The following DNAH7 variants were observed in gnomAD, a reference collection of about 807,000 sequenced individuals.
DNAH7 encodes the protein dynein axonemal heavy chain 7.
A neutral mutation model predicts 444.6 loss-of-function variants in DNAH7; 397 were observed. The ratio of observed to expected loss-of-function variants is 0.89; its 90% CI spans 0.82 to 0.97. The LOEUF is 0.97. Ranked by LOEUF, DNAH7 falls within the 50% of genes least tolerant of loss-of-function variation. DNAH7 has a pLI of 0.00. For missense variants in DNAH7, 4,902 were observed against 4,800.8 expected, an observed-to-expected ratio of 1.02 and a Z score of -0.62; for synonymous variants, 1,636 against 1,624.4, an observed-to-expected ratio of 1.01 and a Z score of -0.17.
chr2:196,036,027 CTT>C lies in DNAH7; in HGVS notation c.399-7982_399-7981del, dbSNP rs750452521. 6.6e-4 allele frequency among the ~76,000 whole-genome samples: 86 copies of C among 129,458 alleles called. No homozygotes were observed. In the Middle Eastern group the frequency reaches 0.012, roughly 19 times the overall value. The allele number at this position is 129,458 out of a possible 152,430, so 84.9% of individuals were successfully genotyped here. On this transcript the variant is annotated intron_variant, in intron 5 of 64. Transcript: ENST00000312428. The stretch of plus-strand genomic sequence containing the variant: ...ACAACAGTACCTGCATCTCCACATT[CTT>C]TTTTTTTTTTTTTTTTTTCCAGGCA...
In DNAH7 at chr2:195,891,688, A is replaced by G; in HGVS notation, c.5013T>C (p.Leu1671=). The stretch of plus-strand genomic sequence containing the variant: ...AGGCAAATGCTCTAAAACTGACAGC[A>G]AGGACCCCATCAGACCATTCATGGG... The part of the protein sequence containing the change: ...SVSHEWSDGV[L]AVSFRAFASS... Residue 1671 remains leucine (L), a synonymous_variant, in exon 31 of 65, where the codon CTT becomes CTC. Transcript: ENST00000312428. 1 of 1,596,948 alleles carries G rather than the reference A, an allele frequency of 6.3e-7. No homozygotes were observed. Among genetic ancestry groups the G allele is most frequent in the Non-Finnish European group, 8.5e-7 (1 of 1,172,790 alleles).
At chr2:195,934,499 G>A in intron 21 of DNAH7, 92 bp downstream of exon 21, 2 of 1,351,286 alleles carry the variant, frequency 1.5e-6, no homozygotes, top group East Asian at 2.3e-5. Flanking sequence ...CTCCATTTCT[G>A]TTTAAATAAC....
chr2:195,821,954 C>T (rs1232617029), intron 49 of DNAH7, among the ~76,000 whole-genome samples: 2 of 152,166 alleles, frequency 1.3e-5, no homozygotes, highest in African/African-American at 4.8e-5. Context: ...AGATGATTCC[C>T]TCCTTCCGCC....
chr2:195,930,273 TG>T (rs1475521956), intron 21 of DNAH7, among the ~76,000 whole-genome samples: 1 of 152,030 alleles, frequency 6.6e-6, no homozygotes, highest in East Asian at 1.9e-4. Context: ...ATCCAGGAGA[TG>T]GGGGTTGCAG....
At chr2:195,905,727 T>C (rs2125285354) in intron 27 of DNAH7, 2 of 151,830 alleles carry the variant, frequency 1.3e-5, no homozygotes, top group South Asian at 4.1e-4. Flanking sequence ...TCAAAGAAAA[T>C]GGTGTGTTTT....
At chr2:195,796,522 T>C (rs2105994545) in intron 56 of DNAH7, 54 bp downstream of exon 56, 1 of 1,590,366 alleles carries the variant, frequency 6.3e-7, no homozygotes, top group South Asian at 1.1e-5. Context: ...GTTATGTATA[T>C]TACTAATTAG....
chr2:196,068,331 G>A, intron 1 of DNAH7: 1 of 328,376 alleles, frequency 3.0e-6, no homozygotes, highest in South Asian at 9.7e-5. Context: ...CACATGGCTA[G>A]GAGTTGGCTT....
chr2:195,851,143 T>A (rs1372533380), intron 46 of DNAH7, among the ~76,000 whole-genome samples: 1 of 152,182 alleles, frequency 6.6e-6, no homozygotes, highest in African/African-American at 2.4e-5. Flanking sequence ...CCCTGATGTT[T>A]GCCATCCAAC....
chr2:195,956,689 T>G (rs1450953140), intron 19 of DNAH7, among the ~76,000 whole-genome samples: 4 of 151,880 alleles, frequency 2.6e-5, no homozygotes, highest in Non-Finnish European at 5.9e-5. Flanking sequence ...ACAAAAAACG[T>G]ACTTTTTTTT....
intron 5 of DNAH7, among the ~76,000 whole-genome samples, chr2:196,035,704 G>T (rs549299644): frequency 5.3e-5 from 8 of 152,192 alleles, no homozygotes; most frequent in Non-Finnish European, 7.3e-5. Context: ...GGAAAGTAGG[G>T]CAGTAGGCCA....
At chr2:195,957,578 T>C in intron 18 of DNAH7, 131 bp from the exon 19 acceptor site, 1 of 447,916 alleles carries the variant, frequency 2.2e-6, no homozygotes, top group South Asian at 6.2e-5. Context: ...TTATATACAA[T>C]CTTGTATATA....
rs10174065 is a variant in DNAH7 at position 196,051,267 on chromosome 2, A to G, written c.79-18T>C. On this transcript the variant is annotated intron_variant, in intron 2 of 64. Coordinates refer to ENST00000312428, the MANE Select transcript of DNAH7 (RefSeq NM_018897.3). The stretch of plus-strand genomic sequence containing the variant: ...AATTTCTCCTGTGTGAAAAATATGA[A>G]GGGGAAAAAAGTGTTTACTCTGTTA... 0.72 allele frequency: 1,164,071 copies of G among 1,606,928 alleles called. 423,811 individuals carry two copies. Among genetic ancestry groups the G allele is most frequent in the East Asian group, 0.92 (41,034 of 44,764 alleles).
At chr2:195,932,778 T>C (rs1217738731) in intron 21 of DNAH7, among the ~76,000 whole-genome samples, 1 of 152,134 alleles carries the variant, frequency 6.6e-6, no homozygotes, top group Non-Finnish European at 1.5e-5. Context: ...CCCACTTGAT[T>C]GTGGTGGATA....
At chr2:195,862,596 TC>T (rs1253292406) in intron 41 of DNAH7, among the ~76,000 whole-genome samples, 1 of 152,076 alleles carries the variant, frequency 6.6e-6, no homozygotes, top group Non-Finnish European at 1.5e-5. Flanking sequence ...TTATACCACT[TC>T]CCCCCACAGT....
intron 60 of DNAH7, among the ~76,000 whole-genome samples, chr2:195,772,215 T>C (rs942269998): frequency 1.6e-4 from 24 of 152,136 alleles, no homozygotes; most frequent in African/African-American, 4.1e-4. Flanking sequence ...AGAAAAAGCA[T>C]TGCACTGGTG....
intron 9 of DNAH7, among the ~76,000 whole-genome samples, chr2:196,014,225 T>C (rs1365076099): frequency 6.6e-6 from 1 of 152,154 alleles, no homozygotes; most frequent in Non-Finnish European, 1.5e-5. Flanking sequence ...TTTAAATCAT[T>C]GGTTTAAGAC....
intron 8 of DNAH7, among the ~76,000 whole-genome samples, chr2:196,021,637 T>C (rs372950967): frequency 3.3e-5 from 5 of 150,320 alleles, no homozygotes; most frequent in South Asian, 4.2e-4. Flanking sequence ...CTGGGCAACA[T>C]AGGGAGATTG....
intron 20 of DNAH7, among the ~76,000 whole-genome samples, chr2:195,935,301 G>T (rs1300957272): frequency 6.6e-6 from 1 of 152,138 alleles, no homozygotes; most frequent in Non-Finnish European, 1.5e-5. Context: ...ATGTAATACA[G>T]ATGGGACTGA....
chr2:195,884,595 A>C lies in DNAH7; in HGVS notation c.5753T>G (p.Phe1918Cys). The C allele has an allele frequency of 6.2e-7, 1 of 1,613,732 alleles. No homozygotes were observed. The highest frequency in any genetic ancestry group is 8.5e-7 in the Non-Finnish European group (1 of 1,179,678). The change falls in exon 35 of 65, where the codon TTT becomes TGT. Residue 1918 changes from phenylalanine (F) to cysteine (C), a missense_variant. Coordinates refer to ENST00000312428, the MANE Select transcript of DNAH7 (RefSeq NM_018897.3). ...PEKGTIYDYQ[F>C]VTEGIGKWEP... ...CTTCAGAACTCTTACCTCAGTGACA[A>C]ATTGATAATCATAAATTGTTCCTTT...
Sources: gnomAD v4.1 joint callset for allele counts (sites outside exome capture counted in the v4.1 genomes callset) on GRCh38, gnomAD v4.1.1 for gene constraint, MANE v1.5 for transcripts, NCBI Gene and HGNC (gene_info 2026-07-23, HGNC 2026-07-21) for gene names.